TUSC3: variants seen among roughly 807,000 people sequenced by gnomAD.
TUSC3 encodes tumor suppressor candidate 3, also known as dolichyl-diphosphooligosaccharide--protein glycosyltransferase subunit TUSC3.
A neutral mutation model predicts 44.8 loss-of-function variants in TUSC3; 45 were observed. That is an observed-to-expected ratio of 1.00 (90% CI 0.79 to 1.29). TUSC3 has a LOEUF of 1.29. Among genes scored for constraint, TUSC3 ranks in the 50% most tolerant of loss-of-function variants. The pLI, the probability that TUSC3 is intolerant of heterozygous loss-of-function variation, is 0.00. For missense variants in TUSC3, 519 were observed against 437.9 expected, an observed-to-expected ratio of 1.19 and a Z score of -1.65; for synonymous variants, 212 against 152.9, an observed-to-expected ratio of 1.39 and a Z score of -2.85.
chr8:15,702,475 A>C (rs750019232), intron 6 of TUSC3, among the ~76,000 whole-genome samples: 4 of 152,088 alleles, frequency 2.6e-5, no homozygotes, highest in Non-Finnish European at 5.9e-5. Context: ...TCATGGTATA[A>C]ATACCTTCCA....
chr8:15,766,815 C>A (rs1009443613), downstream of TUSC3, among the ~76,000 whole-genome samples: 8 of 151,988 alleles, frequency 5.3e-5, no homozygotes, highest in African/African-American at 1.9e-4. Flanking sequence ...CCTAAGGGTA[C>A]GTGAAGGGAG....
At chr8:15,551,181 A>G (rs969123945) in intron 1 of TUSC3, among the ~76,000 whole-genome samples, 5 of 151,532 alleles carry the variant, frequency 3.3e-5, no homozygotes, top group Admixed American at 6.6e-5. Flanking sequence ...AATTACATAC[A>G]TTTTCATTTA....
At chr8:15,680,198 G>C (rs1808363785) in intron 6 of TUSC3, among the ~76,000 whole-genome samples, 1 of 151,908 alleles carries the variant, frequency 6.6e-6, no homozygotes, top group African/African-American at 2.4e-5. Context: ...TAATGATAGT[G>C]AGCCTTCCAA....
the TUSC3 span, among the ~76,000 whole-genome samples, chr8:15,788,172 C>T: frequency 2.0e-5 from 3 of 152,076 alleles, no homozygotes; most frequent in African/African-American, 7.2e-5. Flanking sequence ...ACTTGAAAAA[C>T]ATGTTTAGAC....
chr8:15,695,305 A>C (rs1809112716), intron 6 of TUSC3, among the ~76,000 whole-genome samples: 1 of 152,160 alleles, frequency 6.6e-6, no homozygotes, highest in Non-Finnish European at 1.5e-5. Flanking sequence ...GATAGTGAAT[A>C]AGTCTTATGA....
In TUSC3 at chr8:15,593,044, A is replaced by G. The variant is rs985125296; in HGVS notation, c.139-30036A>G. ...TTTTGGATTCATTAGCCTATAGATAATATTTAACATAAACTCTTTATTATA... is the reference window on the plus strand; with the variant it reads ...TTTTGGATTCATTAGCCTATAGATAGTATTTAACATAAACTCTTTATTATA... On this transcript the variant is annotated intron_variant, in intron 1 of 10. Transcript: ENST00000503731. Among the ~76,000 whole-genome samples, 2 of 152,178 alleles carry G rather than the reference A, an allele frequency of 1.3e-5. 1 individual carries two copies. Among genetic ancestry groups the G allele is most frequent in the East Asian group, 3.9e-4 (2 of 5,192 alleles).
chr8:15,658,633 T>TACACACACACACAC (rs551780920), intron 3 of TUSC3, among the ~76,000 whole-genome samples: 1 of 108,952 alleles, frequency 9.2e-6, no homozygotes. Context: ...TATATACACA[T>TACACACACACACAC]ATATATACAC....
intron 1 of TUSC3, among the ~76,000 whole-genome samples, chr8:15,593,389 A>G (rs1803935485): frequency 6.6e-6 from 1 of 152,182 alleles, no homozygotes. Context: ...CCCGGTCAGT[A>G]TATTAGTGTG....
At chr8:15,851,068 T>A in the TUSC3 span, among the ~76,000 whole-genome samples, 14,841 of 152,256 alleles carry the variant, frequency 0.097, 805 homozygotes, top group East Asian at 0.22. Flanking sequence ...TCTAAGTCAA[T>A]GGACGACGCG....
intron 6 of TUSC3, among the ~76,000 whole-genome samples, chr8:15,694,494 T>A (rs1482107368): frequency 6.9e-6 from 1 of 145,280 alleles, no homozygotes; most frequent in Non-Finnish European, 1.5e-5. Context: ...CATTTGGAGG[T>A]AAGAAGACAC....
At chr8:15,462,861 G>C (rs536870086) in intron 1 of TUSC3, among the ~76,000 whole-genome samples, 1 of 152,176 alleles carries the variant, frequency 6.6e-6, no homozygotes, top group East Asian at 1.9e-4. Flanking sequence ...CTTGGCCAGA[G>C]AAGCCAAGGG....
chr8:15,623,119 A>T lies in TUSC3; in HGVS notation c.178A>T (p.Ser60Cys). The change falls in exon 2 of 11, where the codon AGT becomes TGT. Residue 60 changes from serine (S) to cysteine (C), a missense_variant. By Grantham distance (112) the Ser-to-Cys change is moderately radical. Coordinates refer to ENST00000503731, the MANE Select transcript of TUSC3 (RefSeq NM_006765.4). ...AAAAGTAGAGCAGCTGATGGAATGG[A>T]GTTCCAGACGCTCAATCTTCCGAAT... is the stretch of plus-strand genomic sequence containing the variant. Reference protein sequence around the residue: ...AEKVEQLMEWSSRRSIFRMNG... With the variant: ...AEKVEQLMEWCSRRSIFRMNG... The T allele has an allele frequency of 2.5e-6, 4 of 1,613,948 alleles. No homozygotes were observed. Among genetic ancestry groups the T allele is most frequent in the Non-Finnish European group, 3.4e-6 (4 of 1,179,906 alleles).
intron 2 of TUSC3, among the ~76,000 whole-genome samples, chr8:15,638,515 C>CTTTTTTTT (rs547743726): frequency 6.3e-3 from 513 of 81,008 alleles, no homozygotes; most frequent in Middle Eastern, 0.013. Flanking sequence ...TTCTTTTTTT[C>CTTTTTTTT]TTTTTTTTTT....
chr8:15,545,109 A>T (rs1801819386), intron 1 of TUSC3, among the ~76,000 whole-genome samples: 2 of 151,638 alleles, frequency 1.3e-5, no homozygotes, highest in African/African-American at 4.8e-5. Flanking sequence ...AAATTCAGAG[A>T]GTTTGTCATA....
rs1038611397 is a variant in TUSC3 at position 15,528,004 on chromosome 8, G to A, written n.189+44521G>A. Among the ~76,000 whole-genome samples, 8 of 152,150 alleles carry A rather than the reference G, an allele frequency of 5.3e-5. No individual in the cohort carries two copies. The East Asian group carries it at 1.5e-3, about 29-fold the overall frequency. ...AGCTTCTTGGTAAGTCCTGGTTTTAGCACAGATAAATATTCTTTGACATAT... is the reference window on the plus strand; with the variant it reads ...AGCTTCTTGGTAAGTCCTGGTTTTAACACAGATAAATATTCTTTGACATAT... On this transcript the variant is annotated intron_variant and non_coding_transcript_variant, in intron 2 of 5. Transcript: ENST00000503191.
chr8:15,565,634 G>C (rs923798110), intron 1 of TUSC3, among the ~76,000 whole-genome samples: 1 of 152,062 alleles, frequency 6.6e-6, no homozygotes, highest in African/African-American at 2.4e-5. Flanking sequence ...TGTTTCTTTT[G>C]TCCTTCCCCA....
At chr8:15,572,191 C>CCCGTCT (rs2129143577) in intron 1 of TUSC3, among the ~76,000 whole-genome samples, 1 of 152,276 alleles carries the variant, frequency 6.6e-6, no homozygotes, top group South Asian at 2.1e-4. Flanking sequence ...GTTTAGTATA[C>CCCGTCT]CCGTCTCCAT....
intron 1 of TUSC3, among the ~76,000 whole-genome samples, chr8:15,479,525 A>G (rs1253524615): frequency 6.6e-6 from 1 of 152,148 alleles, no homozygotes; most frequent in East Asian, 1.9e-4. Flanking sequence ...TCACAGCACC[A>G]TATATTAGTT....
intron 1 of TUSC3, among the ~76,000 whole-genome samples, chr8:15,565,884 T>C (rs1390367278): frequency 3.3e-5 from 5 of 152,136 alleles, no homozygotes; most frequent in African/African-American, 1.2e-4. Flanking sequence ...CTCTGTACTA[T>C]TATATGGATG....
Sources: gnomAD v4.1 joint callset for allele counts (sites outside exome capture counted in the v4.1 genomes callset) on GRCh38, gnomAD v4.1.1 for gene constraint, MANE v1.5 for transcripts, NCBI Gene and HGNC (gene_info 2026-07-23, HGNC 2026-07-21) for gene names.